The following FAM107B variants were observed in gnomAD, a reference collection of about 807,000 sequenced individuals.
The protein encoded by FAM107B is family with sequence similarity 107 member B, also known as protein FAM107B.
Under a neutral mutation model 31.5 loss-of-function variants are expected in FAM107B, and 21 were observed. That is an observed-to-expected ratio of 0.67 (90% CI 0.47 to 0.96). FAM107B has a LOEUF of 0.96. FAM107B is among the 40% of genes least tolerant of loss of function. The probability of loss-of-function intolerance (pLI) is 0.00; values close to 1 mark genes in which losing one functional copy is unlikely to be tolerated. For synonymous variants in FAM107B, 157 were observed against 141.5 expected (o/e 1.11, Z -0.78); for missense variants, 452 against 377.1 (o/e 1.20, Z -1.64).
At chr10:14,677,970 G>T (rs1392551691) in intron 1 of FAM107B, among the ~76,000 whole-genome samples, 1 of 152,188 alleles carries the variant, frequency 6.6e-6, no homozygotes, top group Non-Finnish European at 1.5e-5. Flanking sequence ...TCTGTGTTAG[G>T]CACTGTCTTT....
At chr10:14,696,716 C>T (rs1855274284) in intron 1 of FAM107B, among the ~76,000 whole-genome samples, 1 of 152,108 alleles carries the variant, frequency 6.6e-6, no homozygotes, top group South Asian at 2.1e-4. Context: ...CGATCTCCGT[C>T]CCTTGTTAAC....
intron 1 of FAM107B, among the ~76,000 whole-genome samples, chr10:14,755,055 A>G (rs192133458): frequency 6.6e-6 from 1 of 152,334 alleles, no homozygotes; most frequent in East Asian, 1.9e-4. Context: ...TTACCTGACA[A>G]TATTTTCATT....
At chr10:14,609,639 T>C (rs980761355) in intron 2 of FAM107B, among the ~76,000 whole-genome samples, 1 of 152,218 alleles carries the variant, frequency 6.6e-6, no homozygotes. Flanking sequence ...CACACCCAGA[T>C]CATCTTCCTA....
At chr10:14,595,811 G>A (rs1297500044) in intron 2 of FAM107B, among the ~76,000 whole-genome samples, 2 of 152,134 alleles carry the variant, frequency 1.3e-5, no homozygotes, top group African/African-American at 4.8e-5. Flanking sequence ...CAAAAGAGCA[G>A]GTGTCACCCA....
intron 2 of FAM107B, among the ~76,000 whole-genome samples, chr10:14,628,038 C>T (rs1853209373): frequency 6.7e-6 from 1 of 150,086 alleles, no homozygotes; most frequent in African/African-American, 2.5e-5. Context: ...GCAGTCTATT[C>T]GTGAGAATAG....
intron 2 of FAM107B, among the ~76,000 whole-genome samples, chr10:14,626,230 C>G (rs540204143): frequency 1.5e-4 from 23 of 150,406 alleles, no homozygotes; most frequent in Non-Finnish European, 1.0e-4. Flanking sequence ...CTTCATATAG[C>G]ATGAGTTCAC....
At chr10:14,534,043 T>C (rs1223645113) in intron 2 of FAM107B, among the ~76,000 whole-genome samples, 2 of 152,196 alleles carry the variant, frequency 1.3e-5, no homozygotes, top group Admixed American at 1.3e-4. Flanking sequence ...TGGTGAAGTA[T>C]ATGTATATGC....
intron 2 of FAM107B, among the ~76,000 whole-genome samples, chr10:14,580,546 G>A (rs918752031): frequency 6.6e-6 from 1 of 152,008 alleles, no homozygotes; most frequent in African/African-American, 2.4e-5. Flanking sequence ...ATCTTCTCAA[G>A]GAAAAGAAAA....
At chr10:14,685,552 G>A (rs1854963526) in intron 1 of FAM107B, among the ~76,000 whole-genome samples, 1 of 152,144 alleles carries the variant, frequency 6.6e-6, no homozygotes. Context: ...AAGTTAGGGT[G>A]CCCTTCTCGT....
chr10:14,636,543 A>C (rs1482548563), intron 2 of FAM107B, among the ~76,000 whole-genome samples: 2 of 152,218 alleles, frequency 1.3e-5, no homozygotes, highest in Non-Finnish European at 2.9e-5. Flanking sequence ...TTGTGTGTCT[A>C]AATATTCTCT....
intron 1 of FAM107B, among the ~76,000 whole-genome samples, chr10:14,685,701 T>G (rs1411503087): frequency 2.6e-5 from 4 of 152,242 alleles, no homozygotes; most frequent in African/African-American, 9.6e-5. Flanking sequence ...GAACACATAC[T>G]TGGAGCGTTT....
At chr10:14,748,919 G>A (rs930055983) in intron 1 of FAM107B, among the ~76,000 whole-genome samples, 6 of 152,174 alleles carry the variant, frequency 3.9e-5, no homozygotes, top group African/African-American at 9.7e-5. Flanking sequence ...GGACCATGTG[G>A]CCTCCTTGCT....
intron 1 of FAM107B, among the ~76,000 whole-genome samples, chr10:14,771,203 G>A (rs1833294697): frequency 6.6e-6 from 1 of 152,138 alleles, no homozygotes; most frequent in African/African-American, 2.4e-5. Flanking sequence ...AGATCTCAAA[G>A]CAATCCCCCA....
intron 2 of FAM107B, among the ~76,000 whole-genome samples, chr10:14,583,420 C>T (rs1197272242): frequency 1.3e-5 from 2 of 152,146 alleles, no homozygotes; most frequent in Non-Finnish European, 2.9e-5. Flanking sequence ...CGCAGGACCG[C>T]AGCACAGACC....
chr10:14,765,150 C>T (rs1321146470), intron 1 of FAM107B, among the ~76,000 whole-genome samples: 1 of 152,166 alleles, frequency 6.6e-6, no homozygotes. Context: ...CAGAACATGC[C>T]CTATTTCTAA....
At chr10:14,635,922 A>G (rs1853486948) in intron 2 of FAM107B, among the ~76,000 whole-genome samples, 1 of 152,000 alleles carries the variant, frequency 6.6e-6, no homozygotes, top group Admixed American at 6.6e-5. Flanking sequence ...ATGAGCCACC[A>G]TGCCTGGCCA....
At chr10:14,645,128 T>C (rs1853720807) in intron 2 of FAM107B, among the ~76,000 whole-genome samples, 1 of 152,198 alleles carries the variant, frequency 6.6e-6, no homozygotes, top group Non-Finnish European at 1.5e-5. Context: ...GAGGAAACTA[T>C]GCCTGAGGAA....
intron 1 of FAM107B, among the ~76,000 whole-genome samples, chr10:14,766,439 G>T (rs1438932324): frequency 6.6e-6 from 1 of 152,166 alleles, no homozygotes; most frequent in African/African-American, 2.4e-5. Context: ...AGTGGAAATG[G>T]ATTAGATGCT....
intron 2 of FAM107B, among the ~76,000 whole-genome samples, chr10:14,575,183 A>T (rs1272927161): frequency 6.6e-6 from 1 of 151,316 alleles, no homozygotes; most frequent in African/African-American, 2.4e-5. Context: ...ACTGGGGATC[A>T]CACGCTAAAG....
Sources: gnomAD v4.1 joint callset for allele counts (sites outside exome capture counted in the v4.1 genomes callset) on GRCh38, gnomAD v4.1.1 for gene constraint, MANE v1.5 for transcripts, NCBI Gene and HGNC (gene_info 2026-07-23, HGNC 2026-07-21) for gene names.